Variants in SERPINA5 observed in about 807,000 individuals in gnomAD.
SERPINA5 encodes serpin family A member 5, also known as plasma serine protease inhibitor.
SERPINA5 carries 25 observed loss-of-function variants against 25.3 expected under a neutral mutation model. The observed-to-expected ratio is 0.99, with a 90% CI of 0.72 to 1.38. The LOEUF (loss-of-function observed/expected upper bound fraction) is 1.38. Among genes scored for constraint, SERPINA5 ranks in the 40% most tolerant of loss-of-function variants. The probability of loss-of-function intolerance (pLI) is 0.00; values close to 1 mark genes in which losing one functional copy is unlikely to be tolerated. For synonymous variants in SERPINA5, 234 were observed against 206.2 expected (o/e 1.14, Z -1.16); for missense variants, 599 against 509.5 (o/e 1.18, Z -1.69).
intron 2 of SERPINA5, among the ~76,000 whole-genome samples, chr14:94,583,446 G>T (rs1267596121): frequency 6.6e-6 from 1 of 152,236 alleles, no homozygotes; most frequent in African/African-American, 2.4e-5. Flanking sequence ...GGGAAGTTCT[G>T]TTCCTGGGTC....
At chr14:94,590,968 C>T (rs1234582886) in intron 5 of SERPINA5, 72 bp downstream of exon 5, 6 of 1,449,392 alleles carry the variant, frequency 4.1e-6, no homozygotes, top group Non-Finnish European at 5.6e-6. Context: ...TCTACTCTAC[C>T]CCATTTCATT....
At chr14:94,588,911 C>G (rs1249262557) in intron 3 of SERPINA5, among the ~76,000 whole-genome samples, 1 of 152,184 alleles carries the variant, frequency 6.6e-6, no homozygotes, top group African/African-American at 2.4e-5. Flanking sequence ...GCTCCACCCC[C>G]ATGACCTAAT....
At chr14:94,591,191 TACTCCTCCACTCCACATCTCCACTCC>T (rs1885274251) in intron 5 of SERPINA5, among the ~76,000 whole-genome samples, 2 of 137,144 alleles carry the variant, frequency 1.5e-5, no homozygotes, top group African/African-American at 5.5e-5. Flanking sequence ...CACTCCACTC[TACTCCTCCACTCCACATCTCCACTCC>T]ACTCCTCCAC....
intron 5 of SERPINA5, 32 bp from the exon 6 acceptor site, chr14:94,592,025 T>G (rs1230029280): frequency 3.8e-6 from 6 of 1,594,588 alleles, no homozygotes; most frequent in African/African-American, 1.3e-5. Context: ...CTGCCCCTAG[T>G]GGCCTGGTGA....
Position 94,585,819 on chromosome 14 carries a change from A to G in SERPINA5, c.-17-1527A>G, listed in dbSNP as rs550008754. Among the ~76,000 whole-genome samples, 4 of 147,402 alleles carry G rather than the reference A, an allele frequency of 2.7e-5. No individual in the cohort carries two copies. In the East Asian group the frequency reaches 8.0e-4, roughly 30 times the overall value. On this transcript the variant is annotated intron_variant, in intron 2 of 5. Coordinates refer to ENST00000329597, the MANE Select transcript of SERPINA5 (RefSeq NM_000624.6). The stretch of plus-strand genomic sequence containing the variant: ...TGTGTGTGTGTAAAGCATGTACCCT[A>G]TGGTACAGTTGAGAATATGGAGGCC...
Position 94,590,152 on chromosome 14 carries a change from A to T in SERPINA5, c.731A>T (p.Tyr244Phe). Residue 244 changes from tyrosine (Y) to phenylalanine (F), a missense_variant, in exon 4 of 6, where the codon TAC becomes TTC. Physicochemically the swap from Tyr to Phe is conservative, Grantham distance 22. Transcript: ENST00000329597. ...PMMSREDQYH[Y>F]LLDRNLSCRV... The stretch of plus-strand genomic sequence containing the variant: ...ATGAGCCGCGAGGATCAGTATCACT[A>T]CCTCCTGGACCGGAACCTCTCCTGC... The T allele has an allele frequency of 6.2e-7, 1 of 1,613,950 alleles. No individual in the cohort carries two copies. The highest frequency in any genetic ancestry group is 8.5e-7 in the Non-Finnish European group (1 of 1,179,980).
chr14:94,592,079 A>G lies in SERPINA5; in HGVS notation c.1061A>G (p.Glu354Gly), dbSNP rs767165365. ...CAGATGGTGCACAAAGCTGTGGTGG[A>G]GGTGGACGAGTCGGGAACCAGAGCA... Reference protein sequence around the residue: ...VSEMVHKAVVEVDESGTRAAA... With the variant: ...VSEMVHKAVVGVDESGTRAAA... Residue 354 changes from glutamate to glycine, a missense_variant, in exon 6 of 6, where the codon GAG becomes GGG. By Grantham distance (98) the Glu-to-Gly change is moderately conservative. Coordinates refer to ENST00000329597, the MANE Select transcript of SERPINA5 (RefSeq NM_000624.6). 1 of 1,613,462 alleles carries G rather than the reference A, an allele frequency of 6.2e-7. No homozygotes were observed. Among genetic ancestry groups the G allele is most frequent in the South Asian group, 1.1e-5 (1 of 91,000 alleles).
At chr14:94,589,106 A>T (rs1885190622) in intron 3 of SERPINA5, among the ~76,000 whole-genome samples, 1 of 152,230 alleles carries the variant, frequency 6.6e-6, no homozygotes, top group Non-Finnish European at 1.5e-5. Flanking sequence ...GCTGGGAAAT[A>T]AGCTAAGGAC....
chr14:94,587,612 G>A lies in SERPINA5; in HGVS notation c.250G>A (p.Gly84Arg). Residue 84 changes from glycine to arginine, a missense_variant, in exon 3 of 6, where the codon GGG becomes AGG. Coordinates refer to ENST00000329597, the MANE Select transcript of SERPINA5 (RefSeq NM_000624.6). ...CCTGGCCATGCTCTCCCTGGGGGCT[G>A]GGTCCAGCACAAAGATGCAGATCCT... ...MSLAMLSLGA[G>R]SSTKMQILEG... 1 of 1,614,090 alleles carries A rather than the reference G, an allele frequency of 6.2e-7. No homozygotes were observed. Among genetic ancestry groups the A allele is most frequent in the Non-Finnish European group, 8.5e-7 (1 of 1,179,970 alleles).
rs6116 is a variant in SERPINA5, at chr14:94,592,125, A to C, written c.1107A>C (p.Ile369=). Residue 369 remains isoleucine (I), a synonymous_variant, in exon 6 of 6, where the codon ATA becomes ATC. Coordinates refer to ENST00000329597, the MANE Select transcript of SERPINA5 (RefSeq NM_000624.6). ...GAGCAGCGGCAGCCACGGGGACAATATTCACTTTCAGGTCGGCCCGCCTGA... is the reference window on the plus strand; with the variant it reads ...GAGCAGCGGCAGCCACGGGGACAATCTTCACTTTCAGGTCGGCCCGCCTGA... ...GTRAAAATGT[I]FTFRSARLNS... The C allele has an allele frequency of 0.45, 728,727 of 1,613,828 alleles. 172,299 individuals carry two copies. The highest frequency in any genetic ancestry group is 0.55 in the Middle Eastern group (3,360 of 6,056).
intron 5 of SERPINA5, 151 bp downstream of exon 5, chr14:94,591,047 C>T: frequency 9.8e-6 from 6 of 610,226 alleles, no homozygotes; most frequent in Non-Finnish European, 1.3e-5. Context: ...TTCCACTCCA[C>T]TCCACTCCAG....
At chr14:94,583,428 C>G (rs1270270822) in intron 2 of SERPINA5, among the ~76,000 whole-genome samples, 4 of 152,174 alleles carry the variant, frequency 2.6e-5, no homozygotes, top group Admixed American at 2.0e-4. Context: ...GTCAAGATTA[C>G]TTCTTCTGGG....
chr14:94,587,577 T>A lies in SERPINA5; in HGVS notation c.215T>A (p.Ile72Asn). The change falls in exon 3 of 6, where the codon ATC becomes AAC. Residue 72 changes from isoleucine to asparagine, a missense_variant. Transcript: ENST00000329597. ...SQSIFFSPVS[I>N]SMSLAMLSLG... ...AGCATCTTCTTCTCCCCTGTGAGCA[T>A]CTCCATGAGCCTGGCCATGCTCTCC... 6.2e-7 allele frequency: 1 copy of A among 1,614,072 alleles called. No homozygotes were observed. Among genetic ancestry groups the A allele is most frequent in the Non-Finnish European group, 8.5e-7 (1 of 1,179,952 alleles).
Position 94,587,801 on chromosome 14 carries a change from A to G in SERPINA5, c.439A>G (p.Ser147Gly), listed in dbSNP as rs1379490309. 4.1e-5 allele frequency: 66 copies of G among 1,614,100 alleles called. No individual in the cohort carries two copies. Among genetic ancestry groups the G allele is most frequent in the Non-Finnish European group, 5.3e-5 (62 of 1,180,054 alleles). Residue 147 changes from serine to glycine, a missense_variant, in exon 3 of 6, where the codon AGT (serine) becomes GGT (glycine). Transcript: ENST00000329597. ...GGTAGACCTGCAGGACACCTTCGTA[A>G]GTGCCATGAAGACGCTGTACCTGGC... ...LVVDLQDTFV[S>G]AMKTLYLADT...
chr14:94,588,283 T>C (rs1412339655), intron 3 of SERPINA5, among the ~76,000 whole-genome samples: 9 of 152,072 alleles, frequency 5.9e-5, no homozygotes, highest in East Asian at 1.9e-4. Context: ...TATGAACCCA[T>C]TGTGGCCACC....
At chr14:94,586,142 G>C (rs574636413) in intron 2 of SERPINA5, among the ~76,000 whole-genome samples, 1 of 152,270 alleles carries the variant, frequency 6.6e-6, no homozygotes, top group East Asian at 1.9e-4. Context: ...CTTGGGTGAA[G>C]TGGAGGGAGG....
At chr14:94,586,169 G>C (rs920321284) in intron 2 of SERPINA5, among the ~76,000 whole-genome samples, 3 of 152,140 alleles carry the variant, frequency 2.0e-5, no homozygotes, top group African/African-American at 7.2e-5. Flanking sequence ...AGGACTGAAG[G>C]CCAAGGCCAC....
chr14:94,585,103 C>T (rs12886695), intron 2 of SERPINA5, among the ~76,000 whole-genome samples: 44,778 of 151,934 alleles, frequency 0.29, 6,865 homozygotes, highest in South Asian at 0.34. Context: ...GCAGAGGAGG[C>T]AGGACTCTGC....
chr14:94,592,137 G>T lies in SERPINA5; in HGVS notation c.1119G>T (p.Arg373Ser), dbSNP rs758863911. The T allele has an allele frequency of 1.9e-5, 31 of 1,614,112 alleles. No homozygotes were observed. In the East Asian group the frequency reaches 2.7e-4, roughly 14 times the overall value. Residue 373 changes from arginine (R) to serine (S), a missense_variant, in exon 6 of 6, where the codon AGG becomes AGT. Transcript: ENST00000329597. ...CCACGGGGACAATATTCACTTTCAG[G>T]TCGGCCCGCCTGAACTCTCAGAGGC... ...AAATGTIFTF[R>S]SARLNSQRLV... is the part of the protein sequence containing the mutation.
Sources: gnomAD v4.1 joint callset for allele counts (sites outside exome capture counted in the v4.1 genomes callset) on GRCh38, gnomAD v4.1.1 for gene constraint, MANE v1.5 for transcripts, NCBI Gene and HGNC (gene_info 2026-07-23, HGNC 2026-07-21) for gene names.